The following NOTCH3 variants were observed in gnomAD, a reference collection of about 807,000 sequenced individuals.
NOTCH3 encodes neurogenic locus notch homolog protein 3.
A neutral mutation model predicts 213.3 loss-of-function variants in NOTCH3; 86 were observed. The ratio of observed to expected loss-of-function variants is 0.40; its 90% confidence interval spans 0.34 to 0.48. The LOEUF is 0.48. Ranked by LOEUF, NOTCH3 falls within the 20% of genes least tolerant of loss-of-function variation. The pLI, the probability that NOTCH3 is intolerant of heterozygous loss-of-function variation, is 0.57. For missense variants in NOTCH3, 2,783 were observed against 3,272.6 expected, an observed-to-expected ratio of 0.85 and a Z score of 3.65; for synonymous variants, 1,354 against 1,355.9, an observed-to-expected ratio of 1.00 and a Z score of 0.03.
At chr19:15,174,030 C>T in intron 25 of NOTCH3, 38 bp downstream of exon 25, 1 of 1,500,244 alleles carries the variant, frequency 6.7e-7, no homozygotes, top group African/African-American at 1.4e-5. Context: ...TCTCTCCTCT[C>T]CCCAGCCACC....
intron 31 of NOTCH3, among the ~76,000 whole-genome samples, chr19:15,162,924 G>A (rs2046658189): frequency 6.6e-6 from 1 of 152,014 alleles, no homozygotes; most frequent in South Asian, 2.1e-4. Context: ...TTATTTTTGA[G>A]GTAGTGTCTT....
Position 15,189,313 on chromosome 19 carries a change from C to G in NOTCH3, c.1152G>C (p.Thr384=). 6.2e-7 allele frequency: 1 copy of G among 1,614,076 alleles called. No homozygotes were observed. The highest frequency in any genetic ancestry group is 8.5e-7 in the Non-Finnish European group (1 of 1,180,032). Residue 384 remains threonine (T), a synonymous_variant, in exon 7 of 33, where the codon ACG becomes ACC. Coordinates refer to ENST00000263388, the MANE Select transcript of NOTCH3 (RefSeq NM_000435.3). ...CCACATCCTGGTCACATGCCCCACC[C>G]GTGAAGCCGGGAGGACAGGTGCAAA... ...RAICTCPPGF[T]GGACDQDVDE...
chr19:15,181,893 A>G, intron 16 of NOTCH3, 92 bp from the exon 17 acceptor site: 1 of 1,121,418 alleles, frequency 8.9e-7, no homozygotes, highest in Non-Finnish European at 1.3e-6. Context: ...AGAATTCAGG[A>G]GGAAACCAGG....
intron 23 of NOTCH3, 102 bp downstream of exon 23, chr19:15,178,721 G>T (rs998052460): frequency 4.7e-6 from 4 of 848,392 alleles, no homozygotes; most frequent in East Asian, 2.7e-5. Context: ...CCTTCCCTTC[G>T]ATGTCTCCCC....
rs368144892 is a variant in NOTCH3, at chr19:15,170,075, G to C, written c.5199+11C>G. Reference sequence around the variant, plus strand: ...CAGAGGAGGGGGCAAAGGTCAGAGGGGGGGCAGTACCTTTAGCCGCTTGGC... The same window carrying C: ...CAGAGGAGGGGGCAAAGGTCAGAGGCGGGGCAGTACCTTTAGCCGCTTGGC... On this transcript the variant is annotated intron_variant, in intron 28 of 32. Transcript: ENST00000263388. The C allele has an allele frequency of 1.0e-4, 160 of 1,541,292 alleles. No individual in the cohort carries two copies. Among genetic ancestry groups the C allele is most frequent in the Non-Finnish European group, 1.2e-4 (137 of 1,127,818 alleles).
chr19:15,170,266 C>T, intron 27 of NOTCH3, 65 bp downstream of exon 27: 1 of 1,545,064 alleles, frequency 6.5e-7, no homozygotes, highest in Non-Finnish European at 8.9e-7. Context: ...TGAGTCAGGT[C>T]AAGGCGGGGT....
chr19:15,173,630 T>C (rs1303408533), intron 25 of NOTCH3, among the ~76,000 whole-genome samples: 38 of 150,096 alleles, frequency 2.5e-4, no homozygotes, highest in Admixed American at 2.5e-3. Context: ...CTCTGGAGGC[T>C]GAGGCAGAGA....
At chr19:15,178,148 G>A (rs2046808402) in intron 23 of NOTCH3, 58 bp from the exon 24 acceptor site, 3 of 1,108,048 alleles carry the variant, frequency 2.7e-6, no homozygotes, top group South Asian at 2.7e-5. Context: ...TGGAGGGAAG[G>A]AGGAGAAGAA....
intron 25 of NOTCH3, 60 bp downstream of exon 25, chr19:15,174,008 G>A: frequency 7.3e-7 from 1 of 1,374,452 alleles, no homozygotes; most frequent in African/African-American, 1.4e-5. Flanking sequence ...CACAAGACCT[G>A]GATCAACAGC....
intron 28 of NOTCH3, among the ~76,000 whole-genome samples, chr19:15,169,409 CTT>C (rs528133159): frequency 4.2e-5 from 6 of 142,442 alleles, no homozygotes; most frequent in African/African-American, 5.1e-5. Context: ...TGCTGTGGGA[CTT>C]TTTTTTTTTT....
intron 25 of NOTCH3, 107 bp downstream of exon 25, chr19:15,173,961 A>C: frequency 1.0e-6 from 1 of 957,104 alleles, no homozygotes. Flanking sequence ...GGTGCTCCTG[A>C]CATCTGGTGG....
chr19:15,182,707 A>G (rs1006934818), intron 16 of NOTCH3, among the ~76,000 whole-genome samples: 1 of 151,792 alleles, frequency 6.6e-6, no homozygotes, highest in African/African-American at 2.4e-5. Context: ...CAATGGCACG[A>G]TCTCAGCTCA....
At position 15,181,747 on chromosome 19, in the gene NOTCH3, G is replaced by A; in HGVS notation, c.2621C>T (p.Ser874Phe). ...TGGGCCGGCGAAACCAGGGAGGCAG[G>A]AGCAGGAAAAGGAGCCCACGCCGTC... ...CQDGVGSFSC[S>F]CLPGFAGPRC... The change falls in exon 17 of 33, where the codon TCC (serine) becomes TTC (phenylalanine). Residue 874 changes from serine (S) to phenylalanine (F), a missense_variant. Physicochemically the swap from Ser to Phe is radical, Grantham distance 155. Around this residue, in one of 6 missense-constraint regions of NOTCH3, gnomAD observed 861 missense variants for 909.1 expected, o/e 0.95. Transcript: ENST00000263388. 1.3e-6 allele frequency: 2 copies of A among 1,575,174 alleles called. No homozygotes were observed. Among genetic ancestry groups the A allele is most frequent in the South Asian group, 2.3e-5 (2 of 85,952 alleles).
intron 24 of NOTCH3, among the ~76,000 whole-genome samples, chr19:15,174,837 G>A (rs1204949214): frequency 1.3e-5 from 2 of 152,048 alleles, no homozygotes; most frequent in Non-Finnish European, 1.5e-5. Flanking sequence ...GCCTCCCAAA[G>A]TGCTGGGATC....
intron 24 of NOTCH3, among the ~76,000 whole-genome samples, chr19:15,174,899 T>C (rs115628814): frequency 2.7e-3 from 416 of 152,276 alleles, no homozygotes; most frequent in African/African-American, 9.4e-3. Context: ...TTAAATTGAT[T>C]GATTGAAATG....
At chr19:15,194,424 T>C (rs1315884347) in intron 2 of NOTCH3, among the ~76,000 whole-genome samples, 2 of 152,142 alleles carry the variant, frequency 1.3e-5, no homozygotes, top group African/African-American at 4.8e-5. Context: ...GCCGATATCT[T>C]GATTTCAGAC....
intron 2 of NOTCH3, among the ~76,000 whole-genome samples, chr19:15,195,704 G>A (rs1280352113): frequency 6.6e-6 from 1 of 151,862 alleles, no homozygotes; most frequent in African/African-American, 2.4e-5. Flanking sequence ...CGACCACTGC[G>A]GCCCCGACCG....
rs1599394418 is a variant in NOTCH3, at chr19:15,191,879, G to C, written c.680-12C>G. 1 of 1,613,918 alleles carries C rather than the reference G, an allele frequency of 6.2e-7. No individual in the cohort carries two copies. On this transcript the variant is annotated splice_polypyrimidine_tract_variant and intron_variant, in intron 4 of 32. Coordinates refer to ENST00000263388, the MANE Select transcript of NOTCH3 (RefSeq NM_000435.3). ...CTGACCCTCAAACCCTAGCAGGGAA[G>C]GGGGCAAGGATGGTCACCGCCGGGC... is the stretch of plus-strand genomic sequence containing the variant.
In NOTCH3 at chr19:15,185,422, G is replaced by A. The variant is rs1292955706; in HGVS notation, c.2145-14C>T. The stretch of plus-strand genomic sequence containing the variant: ...ACACAGCGGAACCTGGCAGGGGAAG[G>A]TAGTCAGGCCAGGGAGGTGGGCCAG... On this transcript the variant is annotated splice_polypyrimidine_tract_variant and intron_variant, in intron 13 of 32. Coordinates refer to ENST00000263388, the MANE Select transcript of NOTCH3 (RefSeq NM_000435.3). The surrounding 1 kb of genome is among the most constrained non-coding windows in gnomAD (Gnocchi z 4.2). The A allele has an allele frequency of 3.7e-6, 6 of 1,611,868 alleles. No homozygotes were observed. Among genetic ancestry groups the A allele is most frequent in the Middle Eastern group, 1.7e-4 (1 of 6,034 alleles).
Sources: allele counts gnomAD v4.1 joint callset (sites outside exome capture counted in the v4.1 genomes callset), GRCh38; gene constraint gnomAD v4.1.1; regional missense constraint gnomAD v4.1.1; non-coding constraint Gnocchi (gnomAD v3.1); transcripts MANE v1.5; gene names NCBI Gene and HGNC (gene_info 2026-07-23, HGNC 2026-07-21).